RPAP3: variants seen among roughly 807,000 people sequenced by gnomAD.
RPAP3 encodes RNA polymerase II associated protein 3.
Under a neutral mutation model 88.8 loss-of-function variants are expected in RPAP3, and 58 were observed. The observed-to-expected ratio is 0.65, with a 90% confidence interval of 0.53 to 0.81. The LOEUF (loss-of-function observed/expected upper bound fraction) is 0.81. Among genes scored for constraint, RPAP3 ranks in the 40% least tolerant of loss-of-function variants. RPAP3 has a pLI of 0.00. For synonymous variants in RPAP3, 255 were observed against 259.9 expected (o/e 0.98, Z 0.18); for missense variants, 751 against 764.3 (o/e 0.98, Z 0.20).
At chr12:47,669,967 A>G (rs1938961382) in intron 13 of RPAP3, 140 bp downstream of exon 13, 1 of 601,932 alleles carries the variant, frequency 1.7e-6, no homozygotes, top group Admixed American at 2.8e-5. Flanking sequence ...AGTACAAACA[A>G]AAAAGAAAAG....
intron 4 of RPAP3, 51 bp downstream of exon 4, chr12:47,697,546 T>C (rs768568122): frequency 3.3e-6 from 5 of 1,522,878 alleles, no homozygotes; most frequent in Non-Finnish European, 4.4e-6. Context: ...CCACATGATT[T>C]TCAACATCTC....
At position 47,679,712 on chromosome 12, in the gene RPAP3, T is replaced by C; in HGVS notation, c.1177A>G (p.Ile393Val). The change falls in exon 11 of 17, where the codon ATT becomes GTT. Residue 393 changes from isoleucine (I) to valine (V), a missense_variant. Transcript: ENST00000005386. Reference protein sequence around the residue: ...NKQAVTELSKIKKELIEKGHW... With the variant: ...NKQAVTELSKVKKELIEKGHW... ...TGAAAAGAATACATTACCTTTTTAA[T>C]TTTGGAGAGTTCAGTTACTGCTTGC... 1 of 1,604,370 alleles carries C rather than the reference T, an allele frequency of 6.2e-7. No homozygotes were observed. Among genetic ancestry groups the C allele is most frequent in the Non-Finnish European group, 8.5e-7 (1 of 1,174,380 alleles).
In RPAP3 at chr12:47,686,770, C is replaced by A; in HGVS notation, c.992+10G>T. 3.3e-6 allele frequency: 5 copies of A among 1,524,314 alleles called. No individual in the cohort carries two copies. The highest frequency in any genetic ancestry group is 4.4e-6 in the Non-Finnish European group (5 of 1,137,060). 94.4% of individuals were successfully genotyped at this position (1,524,314 alleles called of 1,614,324 possible). A position where few individuals can be genotyped will look rare whatever the true frequency, so the allele number is the denominator to read the frequency against. On this transcript the variant is annotated intron_variant, in intron 9 of 16. Coordinates refer to ENST00000005386, the MANE Select transcript of RPAP3 (RefSeq NM_024604.3). ...ATCCTGAACAGCACTAAAATGTAAC[C>A]AATACTTACTTCTGAATCTTCAGAT...
Position 47,686,763 on chromosome 12 carries a change from AT to A in RPAP3, c.992+16del. 1 of 1,506,122 alleles carries A rather than the reference AT, an allele frequency of 6.6e-7. No homozygotes were observed. Among genetic ancestry groups the A allele is most frequent in the Non-Finnish European group, 8.9e-7 (1 of 1,126,472 alleles). 93.3% of individuals were successfully genotyped at this position (1,506,122 alleles called of 1,614,324 possible). The stretch of plus-strand genomic sequence containing the variant: ...AATTTTTATCCTGAACAGCACTAAA[AT>A]GTAACCAATACTTACTTCTGAATCT... On this transcript the variant is annotated intron_variant, in intron 9 of 16. Transcript: ENST00000005386.
chr12:47,667,384 T>C (rs1938899154), intron 15 of RPAP3, among the ~76,000 whole-genome samples: 2 of 152,214 alleles, frequency 1.3e-5, no homozygotes, highest in Non-Finnish European at 2.9e-5. Context: ...TTTCCCTTTT[T>C]ATTGTCTGTA....
Position 47,692,559 on chromosome 12 carries a change from G to A in RPAP3, c.546-1920C>T, listed in dbSNP as rs536945644. 9.2e-5 allele frequency among the ~76,000 whole-genome samples: 14 copies of A among 152,292 alleles called. No individual in the cohort carries two copies. The South Asian group carries it at 2.9e-3, about 32-fold the overall frequency. ...TGAAGAGCATTAGAGCCTTGCACTG[G>A]ATTAGACTTTGGCTCAGGGGAATGT... On this transcript the variant is annotated intron_variant, in intron 5 of 16. Coordinates refer to ENST00000005386, the MANE Select transcript of RPAP3 (RefSeq NM_024604.3).
At chr12:47,690,034 T>C (rs1451702873) in intron 6 of RPAP3, among the ~76,000 whole-genome samples, 4 of 131,666 alleles carry the variant, frequency 3.0e-5, no homozygotes, top group African/African-American at 5.8e-5. Flanking sequence ...AAAGCAAGAC[T>C]CTGTCTCAAA....
chr12:47,672,370 C>G (rs1008230545), intron 12 of RPAP3, among the ~76,000 whole-genome samples: 1 of 152,188 alleles, frequency 6.6e-6, no homozygotes, highest in Non-Finnish European at 1.5e-5. Context: ...TCTCTGGTGA[C>G]CAGGTGGTGT....
At chr12:47,690,710 G>C (rs1592481992) in intron 5 of RPAP3, 71 bp from the exon 6 acceptor site, 1 of 1,133,782 alleles carries the variant, frequency 8.8e-7, no homozygotes. Context: ...TTCAAAATTT[G>C]TTTCTGAAAT....
chr12:47,688,689 T>C (rs1456487235), intron 7 of RPAP3, among the ~76,000 whole-genome samples: 1 of 152,156 alleles, frequency 6.6e-6, no homozygotes. Flanking sequence ...AAGGCAAAAT[T>C]TTAAACATAT....
intron 5 of RPAP3, among the ~76,000 whole-genome samples, chr12:47,690,923 T>G (rs1565720774): frequency 1.3e-5 from 2 of 152,242 alleles, no homozygotes; most frequent in African/African-American, 2.4e-5. Context: ...TTATTTATAC[T>G]GTAATCTAAT....
At chr12:47,703,021 T>C (rs943279475) in intron 1 of RPAP3, among the ~76,000 whole-genome samples, 175 bp from the exon 2 acceptor site, 4 of 152,172 alleles carry the variant, frequency 2.6e-5, no homozygotes, top group African/African-American at 9.7e-5. Context: ...AATAAATCAG[T>C]TGCTGAATAA....
At chr12:47,681,068 C>T (rs560204079) in intron 10 of RPAP3, among the ~76,000 whole-genome samples, 1 of 151,536 alleles carries the variant, frequency 6.6e-6, no homozygotes, top group African/African-American at 2.4e-5. Flanking sequence ...ACTGAATTTC[C>T]ACCAAGTTCT....
chr12:47,702,894 G>A (rs996073432), intron 1 of RPAP3, 48 bp from the exon 2 acceptor site: 71 of 1,466,946 alleles, frequency 4.8e-5, no homozygotes, highest in Non-Finnish European at 5.9e-5. Context: ...GGCCTATTTG[G>A]TTTATTTTTC....
chr12:47,681,688 A>T lies in RPAP3; in HGVS notation c.1114+8T>A. On this transcript the variant is annotated splice_region_variant and intron_variant, in intron 10 of 16. Transcript: ENST00000005386. ...GATGACTGAGTGCCAGCTGTTATAAAGTCTTACCTTGTTTTGCCTCATTTA... is the reference window on the plus strand; with the variant it reads ...GATGACTGAGTGCCAGCTGTTATAATGTCTTACCTTGTTTTGCCTCATTTA... 1 of 1,611,408 alleles carries T rather than the reference A, an allele frequency of 6.2e-7. No homozygotes were observed. The highest frequency in any genetic ancestry group is 8.5e-7 in the Non-Finnish European group (1 of 1,178,952).
At chr12:47,688,235 C>T (rs1939363324) in intron 7 of RPAP3, among the ~76,000 whole-genome samples, 1 of 151,806 alleles carries the variant, frequency 6.6e-6, no homozygotes, top group South Asian at 2.1e-4. Flanking sequence ...TATCAAACGC[C>T]ACATACTGCA....
chr12:47,690,614 T>C lies in RPAP3; in HGVS notation c.571A>G (p.Asn191Asp). 1 of 1,561,712 alleles carries C rather than the reference T, an allele frequency of 6.4e-7. No individual in the cohort carries two copies. Among genetic ancestry groups the C allele is most frequent in the East Asian group, 2.3e-5 (1 of 43,448 alleles). ...KKFAVAESDC[N>D]LAVALNRSYT... is the part of the protein sequence containing the mutation. ...CTTCTATTCAAGGCAACTGCTAAATTACAATCAGACTCAGCAACAGCAAAT... is the reference window on the plus strand; with the variant it reads ...CTTCTATTCAAGGCAACTGCTAAATCACAATCAGACTCAGCAACAGCAAAT... The change falls in exon 6 of 17, where the codon AAT becomes GAT. Residue 191 changes from asparagine to aspartate, a missense_variant. By Grantham distance (23) the Asn-to-Asp change is conservative. Coordinates refer to ENST00000005386, the MANE Select transcript of RPAP3 (RefSeq NM_024604.3).
chr12:47,665,067 C>G (rs1245064004), intron 16 of RPAP3, among the ~76,000 whole-genome samples: 1 of 149,030 alleles, frequency 6.7e-6, no homozygotes, highest in African/African-American at 2.5e-5. Flanking sequence ...TCCTCGAGGC[C>G]AAAATAAGTT....
intron 3 of RPAP3, among the ~76,000 whole-genome samples, chr12:47,699,207 T>C (rs949398123): frequency 2.0e-5 from 3 of 152,234 alleles, no homozygotes; most frequent in African/African-American, 4.8e-5. Context: ...CTTGATGGCA[T>C]TGTCCACATA....
Sources: gnomAD v4.1 joint callset for allele counts (sites outside exome capture counted in the v4.1 genomes callset) on GRCh38, gnomAD v4.1.1 for gene constraint, MANE v1.5 for transcripts, NCBI Gene and HGNC (gene_info 2026-07-23, HGNC 2026-07-21) for gene names.